TTC23: variants seen among roughly 807,000 people sequenced by gnomAD.
TTC23 encodes tetratricopeptide repeat protein 23.
In TTC23, 58 loss-of-function variants were observed where a neutral mutation model predicts 55.1. That is an observed-to-expected ratio of 1.05 (90% confidence interval 0.85 to 1.31). The LOEUF is 1.31. TTC23 is among the 50% of genes most tolerant of loss of function. TTC23 has a pLI of 0.00. For synonymous variants in TTC23, 203 were observed against 199.9 expected (o/e 1.02, Z -0.13); for missense variants, 516 against 534.4 (o/e 0.97, Z 0.34).
chr15:99,242,689 A>G (rs918388554), intron 2 of TTC23, among the ~76,000 whole-genome samples: 1 of 152,204 alleles, frequency 6.6e-6, no homozygotes, highest in South Asian at 2.1e-4. Context: ...TAACATCTGA[A>G]CTCATTAATA....
chr15:99,172,083 T>C (rs1490372139), intron 10 of TTC23, among the ~76,000 whole-genome samples: 1 of 151,172 alleles, frequency 6.6e-6, no homozygotes, highest in Non-Finnish European at 1.5e-5. Flanking sequence ...AGTGGCACAA[T>C]CTTGGCTCAC....
intron 7 of TTC23, 44 bp from the exon 8 acceptor site, chr15:99,218,757 C>T (rs1301243088): frequency 9.3e-6 from 15 of 1,612,216 alleles, no homozygotes; most frequent in Non-Finnish European, 1.3e-5. Context: ...CTAGATTCTA[C>T]ACCCCATGTC....
At chr15:99,212,362 C>A (rs2077109875) in intron 8 of TTC23, among the ~76,000 whole-genome samples, 1 of 151,816 alleles carries the variant, frequency 6.6e-6, no homozygotes, top group Non-Finnish European at 1.5e-5. Flanking sequence ...CTATCAATAA[C>A]CAGGATAGAA....
intron 9 of TTC23, among the ~76,000 whole-genome samples, chr15:99,177,238 G>T (rs2151936956): frequency 6.6e-6 from 1 of 152,316 alleles, no homozygotes; most frequent in African/African-American, 2.4e-5. Context: ...TTTTATTGCT[G>T]CATTAGAATA....
chr15:99,234,602 G>C (rs923367901), intron 4 of TTC23, among the ~76,000 whole-genome samples: 2 of 152,062 alleles, frequency 1.3e-5, no homozygotes, highest in African/African-American at 2.4e-5. Flanking sequence ...TCGATCTCCT[G>C]ACCTCGTGAT....
intron 10 of TTC23, among the ~76,000 whole-genome samples, chr15:99,169,835 CCCTGCTCCCTAAACTCTAA>C (rs1237160304): frequency 1.3e-5 from 2 of 152,106 alleles, no homozygotes; most frequent in African/African-American, 2.4e-5. Flanking sequence ...CTTAGTCAGC[CCCTGCTCCCTAAACTCTAA>C]CCAGACAGAG....
intron 4 of TTC23, 47 bp from the exon 5 acceptor site, chr15:99,228,779 G>C: frequency 7.2e-7 from 1 of 1,393,168 alleles, no homozygotes. Flanking sequence ...AATTTCCATA[G>C]TTACTTTTAG....
intron 11 of TTC23, chr15:99,161,164 G>GTGTATA (rs147781779): frequency 2.0e-5 from 3 of 150,378 alleles, no homozygotes; most frequent in African/African-American, 7.3e-5. Flanking sequence ...GTGGGCGATT[G>GTGTATA]TATATATATA....
At position 99,218,962 on chromosome 15, in the gene TTC23, C is replaced by T. The variant is rs1487303843; in HGVS notation, c.391G>A (p.Asp131Asn). Residue 131 changes from aspartate (D) to asparagine (N), a missense_variant, in exon 7 of 14, where the codon GAT becomes AAT. Physicochemically the swap from Asp to Asn is conservative, Grantham distance 23. Coordinates refer to ENST00000394132, the MANE Select transcript of TTC23 (RefSeq NM_001288615.3). ...AGCTCAATGGAAAACTTGAAAACAT[C>T]TGTATTCTCACTATAGGGAGGCACA... Reference protein sequence around the residue: ...SIVPPYSENTDVFKFSIELFH... With the variant: ...SIVPPYSENTNVFKFSIELFH... 1 of 1,614,204 alleles carries T rather than the reference C, an allele frequency of 6.2e-7. No individual in the cohort carries two copies.
chr15:99,217,304 T>C (rs1281023031), intron 8 of TTC23, among the ~76,000 whole-genome samples: 3 of 151,960 alleles, frequency 2.0e-5, no homozygotes, highest in African/African-American at 7.3e-5. Flanking sequence ...ATTATAGGCA[T>C]GCGCCACCAC....
chr15:99,162,771 C>T (rs1165451684), intron 10 of TTC23, among the ~76,000 whole-genome samples: 1 of 152,088 alleles, frequency 6.6e-6, no homozygotes, highest in East Asian at 1.9e-4. Context: ...TTATAGGGTA[C>T]AGCTGACTTG....
intron 1 of TTC23, among the ~76,000 whole-genome samples, chr15:99,246,970 G>A (rs2080303560): frequency 6.6e-6 from 1 of 151,848 alleles, no homozygotes; most frequent in Non-Finnish European, 1.5e-5. Flanking sequence ...AAAACAATCA[G>A]TAACAAGATG....
Position 99,228,522 on chromosome 15 carries a change from A to C in TTC23, c.180+11T>G, listed in dbSNP as rs1263188841. 1 of 1,587,876 alleles carries C rather than the reference A, an allele frequency of 6.3e-7. No individual in the cohort carries two copies. Among genetic ancestry groups the C allele is most frequent in the Non-Finnish European group, 8.6e-7 (1 of 1,166,410 alleles). On this transcript the variant is annotated intron_variant, in intron 5 of 13. Coordinates refer to ENST00000394132, the MANE Select transcript of TTC23 (RefSeq NM_001288615.3). ...CTCAGAGTAGAAATACAGAAACAAA[A>C]GTCTCCTTACCTCATGACTGTTGGA...
At chr15:99,200,167 T>G (rs1470021854) in intron 8 of TTC23, 71 bp from the exon 9 acceptor site, 9 of 1,348,270 alleles carry the variant, frequency 6.7e-6, no homozygotes, top group Non-Finnish European at 8.8e-6. Flanking sequence ...GGTGAGCTGG[T>G]AGTTGGGATG....
chr15:99,199,404 CAAAAAAAA>C (rs35189767), intron 9 of TTC23, among the ~76,000 whole-genome samples: 1 of 58,200 alleles, frequency 1.7e-5, no homozygotes, highest in African/African-American at 6.1e-5. Context: ...CCTGTCTCTC[CAAAAAAAA>C]AAAAAAAAAA....
chr15:99,199,221 T>C (rs1377161700), intron 9 of TTC23, among the ~76,000 whole-genome samples: 3 of 152,080 alleles, frequency 2.0e-5, no homozygotes, highest in African/African-American at 7.2e-5. Flanking sequence ...AAATCCTGTC[T>C]GAGTTTCCCC....
intron 11 of TTC23, among the ~76,000 whole-genome samples, chr15:99,161,443 C>T (rs2071367807): frequency 6.6e-6 from 1 of 152,196 alleles, no homozygotes; most frequent in South Asian, 2.1e-4. Context: ...ACACTAACTG[C>T]CACACTATTC....
chr15:99,183,570 A>G (rs2074375430), intron 9 of TTC23, among the ~76,000 whole-genome samples: 1 of 140,870 alleles, frequency 7.1e-6, no homozygotes, highest in Non-Finnish European at 1.5e-5. Context: ...CAATCTCCTG[A>G]CCTTGTGATC....
intron 9 of TTC23, among the ~76,000 whole-genome samples, chr15:99,178,859 A>C (rs556958376): frequency 1.3e-5 from 2 of 152,314 alleles, no homozygotes; most frequent in East Asian, 3.9e-4. Flanking sequence ...GCTGGCTCCC[A>C]AGACAAGGTG....
Sources: allele counts gnomAD v4.1 joint callset (sites outside exome capture counted in the v4.1 genomes callset), GRCh38; gene constraint gnomAD v4.1.1; transcripts MANE v1.5; gene names NCBI Gene and HGNC (gene_info 2026-07-23, HGNC 2026-07-21).